MED16: variants seen among roughly 807,000 people sequenced by gnomAD.
The protein encoded by MED16 is mediator of RNA polymerase II transcription subunit 16.
In MED16, 81 loss-of-function variants were observed where a neutral mutation model predicts 84.4. The ratio of observed to expected loss-of-function variants is 0.96; its 90% CI spans 0.80 to 1.15. MED16 has a LOEUF of 1.15. Among genes scored for constraint, MED16 ranks in the 50% most tolerant of loss-of-function variants. The pLI is 0.00. For synonymous variants in MED16, 897 were observed against 552.2 expected (o/e 1.62, Z -8.76); for missense variants, 1,585 against 1,245.9 (o/e 1.27, Z -4.10).
intron 12 of MED16, chr19:871,710 G>T (rs372897820): frequency 2.9e-4 from 407 of 1,389,448 alleles, no homozygotes; most frequent in Non-Finnish European, 3.7e-4. Context: ...ACCTGCAGGG[G>T]CTTATGTTCT....
chr19:873,941 G>A (rs192695824), intron 10 of MED16, among the ~76,000 whole-genome samples: 23 of 152,222 alleles, frequency 1.5e-4, no homozygotes, highest in Admixed American at 9.8e-4. Context: ...TGTCCACAGC[G>A]TGCAGCTGCA....
intron 12 of MED16, chr19:871,463 C>T (rs2036052872): frequency 1.4e-6 from 2 of 1,434,674 alleles, no homozygotes; most frequent in Non-Finnish European, 9.3e-7. Flanking sequence ...CTCCCCGTCT[C>T]TGGCCTGTCA....
intron 5 of MED16, among the ~76,000 whole-genome samples, chr19:885,435 TGAGACGG>T (rs1414610157): frequency 2.0e-5 from 3 of 151,794 alleles, no homozygotes; most frequent in African/African-American, 7.3e-5. Flanking sequence ...TTCGGGACAC[TGAGACGG>T]GAGAGCACGT....
At chr19:885,108 G>GGCCT (rs2036499919) in intron 5 of MED16, 100 bp from the exon 6 acceptor site, 3 of 876,760 alleles carry the variant, frequency 3.4e-6, no homozygotes, top group Non-Finnish European at 3.6e-6. Context: ...CGCACTGCTG[G>GGCCT]GCCTGTCTCT....
At chr19:869,071 C>G in intron 13 of MED16, 125 bp from the exon 14 acceptor site, 1 of 833,044 alleles carries the variant, frequency 1.2e-6, no homozygotes, top group Non-Finnish European at 1.8e-6. Flanking sequence ...CAGGTGGGCC[C>G]AGATGTCTGT....
chr19:868,352 G>A (rs1476150396), intron 15 of MED16, 64 bp downstream of exon 15: 6 of 1,592,672 alleles, frequency 3.8e-6, no homozygotes, highest in East Asian at 4.5e-5. Context: ...TAGCTGAGGA[G>A]TAGCTGAGGG....
intron 10 of MED16, among the ~76,000 whole-genome samples, chr19:874,154 C>T (rs968460709): frequency 6.6e-6 from 1 of 151,722 alleles, no homozygotes; most frequent in African/African-American, 2.4e-5. Flanking sequence ...CACTCTGTCG[C>T]CCAGGCTGGA....
At chr19:879,301 G>A (rs2036353740) in intron 8 of MED16, among the ~76,000 whole-genome samples, 1 of 145,486 alleles carries the variant, frequency 6.9e-6, no homozygotes, top group South Asian at 2.2e-4. Flanking sequence ...TCCCATGGTT[G>A]TCAATGCCCA....
chr19:879,982 T>C lies in MED16; in HGVS notation c.1308A>G (p.Leu436=), dbSNP rs145093835. ...GPAVHLKAMQ[L]SWTSLALVGI... ...CCACCAGGGCCAGTGACGTCCACGA[T>C]AGCTGCATAGCCTTTAAGTGGACGG... The change falls in exon 8 of 16, where the codon CTA becomes CTG. Residue 436 remains leucine, a synonymous_variant. Transcript: ENST00000325464. The C allele has an allele frequency of 3.4e-5, 55 of 1,607,286 alleles. No homozygotes were observed. Among genetic ancestry groups the C allele is most frequent in the African/African-American group, 3.0e-4 (22 of 74,376 alleles).
At chr19:877,728 G>A (rs1206771047) in intron 8 of MED16, among the ~76,000 whole-genome samples, 3 of 125,610 alleles carry the variant, frequency 2.4e-5, no homozygotes, top group African/African-American at 6.2e-5. Context: ...TGCCCCACGT[G>A]CCCCAGCAGC....
chr19:870,077 G>A (rs767378104), intron 13 of MED16, among the ~76,000 whole-genome samples: 1 of 151,876 alleles, frequency 6.6e-6, no homozygotes, highest in Non-Finnish European at 1.5e-5. Context: ...GCCCTGCAAG[G>A]TGACCTCTTG....
intron 9 of MED16, 57 bp downstream of exon 9, chr19:876,917 C>G: frequency 6.5e-7 from 1 of 1,527,276 alleles, no homozygotes; most frequent in South Asian, 1.2e-5. Context: ...CCACGGGGCC[C>G]CCACCTGCCA....
chr19:889,825 T>C lies in MED16; in HGVS notation c.278-18A>G. 6.2e-7 allele frequency: 1 copy of C among 1,601,696 alleles called. No individual in the cohort carries two copies. Among genetic ancestry groups the C allele is most frequent in the Non-Finnish European group, 8.5e-7 (1 of 1,175,502 alleles). On this transcript the variant is annotated intron_variant, in intron 3 of 15. Coordinates refer to ENST00000325464, the MANE Select transcript of MED16 (RefSeq NM_005481.3). ...CCGGGAGCCTGAGGGCAAGAAGCCA[T>C]CATTGCGAACCTTCCAGGGATGGGC...
In MED16 at chr19:871,930, G is replaced by A. The variant is rs756496919; in HGVS notation, c.2094C>T (p.Ile698=). The A allele has an allele frequency of 1.9e-6, 3 of 1,590,914 alleles. No individual in the cohort carries two copies. Among genetic ancestry groups the A allele is most frequent in the South Asian group, 1.1e-5 (1 of 89,350 alleles). The part of the protein sequence containing the change: ...LLFRLLTKLW[I]CCRDEGPASE... ...GGGCGGGCGGGGGTGCCTCACAGCA[G>A]ATCCAGAGCTTGGTGAGCAGGCGGA... is the stretch of plus-strand genomic sequence containing the variant. Residue 698 remains isoleucine (I), a synonymous_variant, in exon 12 of 16, where the codon ATC becomes ATT. Coordinates refer to ENST00000325464, the MANE Select transcript of MED16 (RefSeq NM_005481.3).
intron 6 of MED16, among the ~76,000 whole-genome samples, chr19:883,640 C>T (rs756685364): frequency 2.0e-5 from 3 of 152,040 alleles, no homozygotes; most frequent in East Asian, 1.9e-4. Flanking sequence ...CAGGTGAGGA[C>T]GGCTGCAGGA....
chr19:885,387 C>T (rs370258960), intron 5 of MED16, among the ~76,000 whole-genome samples: 1 of 152,148 alleles, frequency 6.6e-6, no homozygotes, highest in Non-Finnish European at 1.5e-5. Context: ...GTGGCTGGGC[C>T]GCCTCTCACA....
intron 11 of MED16, chr19:872,798 G>A (rs1356396029): frequency 1.3e-5 from 3 of 224,490 alleles, no homozygotes; most frequent in South Asian, 9.9e-5. Flanking sequence ...GGCAGCAGCA[G>A]CAGAAGCAAG....
At chr19:887,731 T>C (rs1037524737) in intron 4 of MED16, among the ~76,000 whole-genome samples, 17 of 152,050 alleles carry the variant, frequency 1.1e-4, no homozygotes. Flanking sequence ...GGGATGCACC[T>C]TGAGGACATC....
At chr19:886,597 T>C (rs902156497) in intron 4 of MED16, among the ~76,000 whole-genome samples, 3 of 152,050 alleles carry the variant, frequency 2.0e-5, no homozygotes, top group Non-Finnish European at 4.4e-5. Flanking sequence ...TGAGCCACAC[T>C]CACAAACCCA....
Sources: gnomAD v4.1 joint callset for allele counts (sites outside exome capture counted in the v4.1 genomes callset) on GRCh38, gnomAD v4.1.1 for gene constraint, MANE v1.5 for transcripts, NCBI Gene and HGNC (gene_info 2026-07-23, HGNC 2026-07-21) for gene names.